The following KLF1 variants were observed in gnomAD, a reference collection of about 807,000 sequenced individuals.
KLF1 encodes Krueppel-like factor 1.
A neutral mutation model predicts 28.0 loss-of-function variants in KLF1; 29 were observed. That is an observed-to-expected ratio of 1.04 (90% CI 0.77 to 1.41). The LOEUF is 1.41. Ranked by LOEUF, KLF1 falls within the 40% of genes most tolerant of loss-of-function variation. The probability of loss-of-function intolerance (pLI) is 0.00; values close to 1 mark genes in which losing one functional copy is unlikely to be tolerated. For missense variants in KLF1, 508 were observed against 515.1 expected, an observed-to-expected ratio of 0.99 and a Z score of 0.13; for synonymous variants, 262 against 242.6, an observed-to-expected ratio of 1.08 and a Z score of -0.74.
In KLF1 at chr19:12,885,434, G is replaced by T; in HGVS notation, c.796C>A (p.Arg266=). The stretch of plus-strand genomic sequence containing the variant: ...TTGCGCGCCCACGAACGTCGGCCTC[G>T]CTTGGATGGCGCGGTCTCGGCTATC... ...GVIAETAPSK[R]GRRSWARKRQ... is the part of the protein sequence containing the mutation. The change falls in exon 2 of 3, where the codon CGA becomes AGA. Residue 266 remains arginine (R), a synonymous_variant. Coordinates refer to ENST00000264834, the MANE Select transcript of KLF1 (RefSeq NM_006563.5). This position sits in a 1 kb window ranked among gnomAD's most constrained non-coding sequence, Gnocchi z 5.6. The T allele has an allele frequency of 6.2e-7, 1 of 1,605,430 alleles. No individual in the cohort carries two copies. Among genetic ancestry groups the T allele is most frequent in the Admixed American group, 1.7e-5 (1 of 58,948 alleles).
At position 12,884,618 on chromosome 19, in the gene KLF1, A is replaced by T; in HGVS notation, c.*267T>A. Reference sequence around the variant, plus strand: ...GTCCGTTTATTTGGCGGTCTGTCTCACTGGGTTTGCACGACAGTTTGGACA... The same window carrying T: ...GTCCGTTTATTTGGCGGTCTGTCTCTCTGGGTTTGCACGACAGTTTGGACA... On this transcript the variant is annotated 3_prime_UTR_variant, in exon 3 of 3. Transcript: ENST00000264834. 1.9e-6 allele frequency: 1 copy of T among 529,484 alleles called. No individual in the cohort carries two copies. The highest frequency in any genetic ancestry group is 3.4e-6 in the Non-Finnish European group (1 of 292,360). 32.8% of individuals were successfully genotyped at this position (529,484 alleles called of 1,614,324 possible).
Position 12,886,127 on chromosome 19 carries a change from C to A in KLF1, c.103G>T (p.Glu35Ter). 6.2e-7 allele frequency: 1 copy of A among 1,602,044 alleles called. No individual in the cohort carries two copies. Residue 35 changes from glutamate (E) to a stop codon, truncating the protein, a stop_gained, in exon 2 of 3, where the codon GAG becomes TAG. Transcript: ENST00000264834. LOFTEE classifies it high-confidence loss of function. The stretch of plus-strand genomic sequence containing the variant: ...GGACCCGGGCCCATGTCCTGCGCCT[C>A]TTCGGAGCGCCACCACTGCGGGAGG... Reference protein sequence around the residue: ...DDFLKWWRSEEAQDMGPGPPD... With the variant: ...DDFLKWWRSE
In KLF1 at chr19:12,884,846, T is replaced by A; in HGVS notation, c.*39A>T. The A allele has an allele frequency of 1.2e-6, 2 of 1,608,994 alleles. No individual in the cohort carries two copies. Among genetic ancestry groups the A allele is most frequent in the Non-Finnish European group, 8.5e-7 (1 of 1,177,308 alleles). ...ACCACCAAACAGGCTTCTTGTCCCA[T>A]CCCCAGTCACTAGGAGAGTCCAAGT... is the stretch of plus-strand genomic sequence containing the variant. On this transcript the variant is annotated 3_prime_UTR_variant, in exon 3 of 3. Coordinates refer to ENST00000264834, the MANE Select transcript of KLF1 (RefSeq NM_006563.5).
Position 12,886,135 on chromosome 19 carries a change from C to T in KLF1, c.95G>A (p.Arg32His), listed in dbSNP as rs756226632. 1.9e-6 allele frequency: 3 copies of T among 1,600,296 alleles called. No homozygotes were observed. The highest frequency in any genetic ancestry group is 1.7e-6 in the Non-Finnish European group (2 of 1,177,596). ...DTQDDFLKWWRSEEAQDMGPG... is the reference protein window; with the variant it reads ...DTQDDFLKWWHSEEAQDMGPG... ...GCCCATGTCCTGCGCCTCTTCGGAG[C>T]GCCACCACTGCGGGAGGGAGCAGGC... Residue 32 changes from arginine to histidine, a missense_variant, in exon 2 of 3, where the codon CGC becomes CAC. Arg to His is a conservative substitution (Grantham distance 29). Transcript: ENST00000264834.
chr19:12,885,550 G>A lies in KLF1; in HGVS notation c.680C>T (p.Pro227Leu), dbSNP rs1375561925. Residue 227 changes from proline (P) to leucine (L), a missense_variant, in exon 2 of 3, where the codon CCC (proline) becomes CTC (leucine). Physicochemically the swap from Pro to Leu is moderately conservative, Grantham distance 98 (BLOSUM62 -3). Transcript: ENST00000264834. The surrounding 1 kb of genome is among the most constrained non-coding windows in gnomAD (Gnocchi z 5.6). ...QLFRGLQGPA[P>L]GPATSPSFLS... ...GAAGGAGGGGGACGTGGCGGGACCG[G>A]GCGCGGGTCCCTGGAGCCCGCGGAA... The A allele has an allele frequency of 6.4e-7, 1 of 1,571,540 alleles. No homozygotes were observed. Among genetic ancestry groups the A allele is most frequent in the Non-Finnish European group, 8.6e-7 (1 of 1,159,390 alleles).
chr19:12,884,858 A>G lies in KLF1; in HGVS notation c.*27T>C, dbSNP rs1970416980. The stretch of plus-strand genomic sequence containing the variant: ...GCTTCTTGTCCCATCCCCAGTCACT[A>G]GGAGAGTCCAAGTGCCAGGGCAGGG... On this transcript the variant is annotated 3_prime_UTR_variant, in exon 3 of 3. Transcript: ENST00000264834. 1 of 1,609,660 alleles carries G rather than the reference A, an allele frequency of 6.2e-7. No homozygotes were observed. Among genetic ancestry groups the G allele is most frequent in the East Asian group, 2.2e-5 (1 of 44,884 alleles).
rs745810050 is a variant in KLF1 at position 12,884,895 on chromosome 19, C to T, written c.1079G>A (p.Arg360His). ...RSDHLALHMKRHL is the reference protein window; with the variant it reads ...RSDHLALHMKHHL ...GTGCCAGGGCAGGGCTCAAAGGTGG[C>T]GCTTCATGTGCAAGGCCAGGTGGTC... Residue 360 changes from arginine (R) to histidine (H), a missense_variant, in exon 3 of 3, where the codon CGC becomes CAC. Physicochemically the swap from Arg to His is conservative, Grantham distance 29. Transcript: ENST00000264834. The T allele has an allele frequency of 1.7e-5, 27 of 1,613,762 alleles. No homozygotes were observed. Among genetic ancestry groups the T allele is most frequent in the Middle Eastern group, 3.3e-4 (2 of 6,080 alleles).
chr19:12,886,418 C>T (rs1970450353), intron 1 of KLF1, among the ~76,000 whole-genome samples: 1 of 152,074 alleles, frequency 6.6e-6, no homozygotes, highest in African/African-American at 2.4e-5. Flanking sequence ...GGTAGCAGAG[C>T]TGCTGGAGAT....
Position 12,884,810 on chromosome 19 carries a change from CGT to C in KLF1, c.*73_*74del. ...CACCCAGCATTGTGTCACGCGCGTC[CGT>C]GTGAAGAGACCACCAAACAGGCTTC... On this transcript the variant is annotated 3_prime_UTR_variant, in exon 3 of 3. Transcript: ENST00000264834. 2.6e-6 allele frequency: 4 copies of C among 1,516,468 alleles called. No individual in the cohort carries two copies. Among genetic ancestry groups the C allele is most frequent in the Non-Finnish European group, 3.6e-6 (4 of 1,098,746 alleles). The allele number at this position is 1,516,468 out of a possible 1,614,324, so 93.9% of individuals were successfully genotyped here.
At chr19:12,886,802 G>T (rs1487397426) in intron 1 of KLF1, among the ~76,000 whole-genome samples, 1 of 151,904 alleles carries the variant, frequency 6.6e-6, no homozygotes, top group African/African-American at 2.4e-5. Context: ...TAGAGATAGG[G>T]TTTCACCATG....
rs1388363360 is a variant in KLF1 at position 12,885,391 on chromosome 19, G to A, written c.839C>T (p.Thr280Met). 1.2e-6 allele frequency: 2 copies of A among 1,606,132 alleles called. No homozygotes were observed. The highest frequency in any genetic ancestry group is 2.2e-5 in the East Asian group (1 of 44,508). The change falls in exon 2 of 3, where the codon ACG becomes ATG. Residue 280 changes from threonine to methionine, a missense_variant. By Grantham distance (81) the Thr-to-Met change is moderately conservative (BLOSUM62 -1). Coordinates refer to ENST00000264834, the MANE Select transcript of KLF1 (RefSeq NM_006563.5). This position sits in a 1 kb window ranked among gnomAD's most constrained non-coding sequence, Gnocchi z 5.6. The part of the protein sequence containing the change: ...SWARKRQAAH[T>M]CAHPGCGKSY... ...CTTGCCGCAACCCGGGTGCGCGCAC[G>A]TGTGCGCTGCCTGCCTCTTGCGCGC...
In KLF1 at chr19:12,885,531, G is replaced by T; in HGVS notation, c.699C>A (p.Pro233=). The part of the protein sequence containing the change: ...QGPAPGPATS[P]SFLSCLGPGT... ...CGGGTCCCAAACAACTCAGGAAGGA[G>T]GGGGACGTGGCGGGACCGGGCGCGG... The change falls in exon 2 of 3, where the codon CCC becomes CCA. Residue 233 remains proline, a synonymous_variant. Coordinates refer to ENST00000264834, the MANE Select transcript of KLF1 (RefSeq NM_006563.5). This position sits in a 1 kb window ranked among gnomAD's most constrained non-coding sequence, Gnocchi z 5.6. 6.3e-7 allele frequency: 1 copy of T among 1,584,590 alleles called. No homozygotes were observed. Among genetic ancestry groups the T allele is most frequent in the Non-Finnish European group, 8.6e-7 (1 of 1,166,426 alleles).
Position 12,886,928 on chromosome 19 carries a change from T to G in KLF1, c.87+126A>C. ...TAAGCTGAGATCTCCTCTCCTGGAC[T>G]GAGCGTACCTCAGTCCTGGTTAAGT... On this transcript the variant is annotated intron_variant, in intron 1 of 2. Coordinates refer to ENST00000264834, the MANE Select transcript of KLF1 (RefSeq NM_006563.5). 3 of 978,590 alleles carry G rather than the reference T, an allele frequency of 3.1e-6. No homozygotes were observed. In the South Asian group the frequency reaches 4.0e-5, roughly 13 times the overall value. 60.6% of individuals were successfully genotyped at this position (978,590 alleles called of 1,614,324 possible).
chr19:12,885,623 A>T lies in KLF1; in HGVS notation c.607T>A (p.Tyr203Asn). 6.4e-7 allele frequency: 1 copy of T among 1,550,632 alleles called. No individual in the cohort carries two copies. The highest frequency in any genetic ancestry group is 8.7e-7 in the Non-Finnish European group (1 of 1,147,608). The change falls in exon 2 of 3, where the codon TAC (tyrosine) becomes AAC (asparagine). Residue 203 changes from tyrosine (Y) to asparagine (N), a missense_variant. Coordinates refer to ENST00000264834, the MANE Select transcript of KLF1 (RefSeq NM_006563.5). This position sits in a 1 kb window ranked among gnomAD's most constrained non-coding sequence, Gnocchi z 5.6. ...SGAPYGLLSG[Y>N]PAMYPAPQYQ... Reference sequence around the variant, plus strand: ...TGAGGCGCCGGGTACATCGCGGGGTACCCGGACAGTAGCCCGTAGGGGGCG... The same window carrying T: ...TGAGGCGCCGGGTACATCGCGGGGTTCCCGGACAGTAGCCCGTAGGGGGCG...
chr19:12,885,761 G>T lies in KLF1; in HGVS notation c.469C>A (p.Pro157Thr). ...GCCAGCGCCTTGGGCTCGGGGGCCG[G>T]GGCTGGAGCCAGGGCTGGGCCCACG... The part of the protein sequence containing the change: ...AFVGPALAPA[P>T]APEPKALALQ... Residue 157 changes from proline (P) to threonine (T), a missense_variant, in exon 2 of 3, where the codon CCG (proline) becomes ACG (threonine). Transcript: ENST00000264834. The surrounding 1 kb of genome is among the most constrained non-coding windows in gnomAD (Gnocchi z 5.6). 2 of 1,520,498 alleles carry T rather than the reference G, an allele frequency of 1.3e-6. No homozygotes were observed. Among genetic ancestry groups the T allele is most frequent in the African/African-American group, 1.4e-5 (1 of 72,056 alleles). 94.2% of individuals were successfully genotyped at this position (1,520,498 alleles called of 1,614,324 possible). A position where few individuals can be genotyped will look rare whatever the true frequency, so the allele number is the denominator to read the frequency against.
chr19:12,885,447 G>A lies in KLF1; in HGVS notation c.783C>T (p.Thr261=), dbSNP rs1386078691. 2 of 1,604,570 alleles carry A rather than the reference G, an allele frequency of 1.2e-6. No individual in the cohort carries two copies. The highest frequency in any genetic ancestry group is 1.7e-6 in the Non-Finnish European group (2 of 1,176,320). The change falls in exon 2 of 3, where the codon ACC becomes ACT. Residue 261 remains threonine (T), a synonymous_variant. Coordinates refer to ENST00000264834, the MANE Select transcript of KLF1 (RefSeq NM_006563.5). The surrounding 1 kb of genome is among the most constrained non-coding windows in gnomAD (Gnocchi z 5.6). ...TAEDPGVIAE[T]APSKRGRRSW... ...AACGTCGGCCTCGCTTGGATGGCGC[G>A]GTCTCGGCTATCACACCTGGATCCT...
In KLF1 at chr19:12,884,519, T is replaced by C. The variant is rs1392975621; in HGVS notation, c.*366A>G. On this transcript the variant is annotated 3_prime_UTR_variant, in exon 3 of 3. Coordinates refer to ENST00000264834, the MANE Select transcript of KLF1 (RefSeq NM_006563.5). ...CAGGAGCCGCTTTCTAGACCCAGGG[T>C]CTCTGGGAAGCCTCATCCCACACCC... is the stretch of plus-strand genomic sequence containing the variant. 2.2e-5 allele frequency: 6 copies of C among 274,602 alleles called. No individual in the cohort carries two copies. Among genetic ancestry groups the C allele is most frequent in the Non-Finnish European group, 4.2e-5 (6 of 141,284 alleles). 17.0% of individuals were successfully genotyped at this position (274,602 alleles called of 1,614,324 possible).
Position 12,885,966 on chromosome 19 carries a change from A to G in KLF1, c.264T>C (p.Gly88=), listed in dbSNP as rs774010122. ...LLTNFSGPEP[G]GAPQTCALAP... is the part of the protein sequence containing the mutation. ...CCAGAGCGCAGGTCTGGGGCGCGCC[A>G]CCGGGCTCCGGGCCCGAGAAGTTGG... The change falls in exon 2 of 3, where the codon GGT becomes GGC. Residue 88 remains glycine, a synonymous_variant. Transcript: ENST00000264834. The surrounding 1 kb of genome is among the most constrained non-coding windows in gnomAD (Gnocchi z 5.6). 2 of 1,579,104 alleles carry G rather than the reference A, an allele frequency of 1.3e-6. No individual in the cohort carries two copies. The highest frequency in any genetic ancestry group is 1.8e-5 in the Admixed American group (1 of 55,006).
Position 12,884,599 on chromosome 19 carries a change from T to G in KLF1, c.*286A>C. On this transcript the variant is annotated 3_prime_UTR_variant, in exon 3 of 3. Transcript: ENST00000264834. ...TGGTCTGAGTGTCCACTGAGTCCGTTTATTTGGCGGTCTGTCTCACTGGGT... is the reference window on the plus strand; with the variant it reads ...TGGTCTGAGTGTCCACTGAGTCCGTGTATTTGGCGGTCTGTCTCACTGGGT... 2.1e-6 allele frequency: 1 copy of G among 483,500 alleles called. No individual in the cohort carries two copies. Among genetic ancestry groups the G allele is most frequent in the Non-Finnish European group, 3.8e-6 (1 of 264,034 alleles). 30.0% of individuals were successfully genotyped at this position (483,500 alleles called of 1,614,324 possible). A position where few individuals can be genotyped will look rare whatever the true frequency, so the allele number is the denominator to read the frequency against.
Sources: gnomAD v4.1 joint callset for allele counts (sites outside exome capture counted in the v4.1 genomes callset) on GRCh38, gnomAD v4.1.1 for gene constraint, Gnocchi (gnomAD v3.1) non-coding constraint, MANE v1.5 for transcripts, NCBI Gene and HGNC (gene_info 2026-07-23, HGNC 2026-07-21) for gene names.